Variants in SHROOM1 observed in about 807,000 individuals in gnomAD.
The protein encoded by SHROOM1 is shroom family member 1, also known as protein Shroom1.
In SHROOM1, 53 loss-of-function variants were observed where a neutral mutation model predicts 64.2. The observed-to-expected ratio is 0.83, with a 90% CI of 0.66 to 1.04. The LOEUF (loss-of-function observed/expected upper bound fraction) is 1.04. Among genes scored for constraint, SHROOM1 ranks in the 50% least tolerant of loss-of-function variants. SHROOM1 has a pLI of 0.00. For missense variants in SHROOM1, 1,179 were observed against 1,163.2 expected, an observed-to-expected ratio of 1.01 and a Z score of -0.20; for synonymous variants, 490 against 518.9, an observed-to-expected ratio of 0.94 and a Z score of 0.76.
In SHROOM1 at chr5:132,823,873, C is replaced by G; in HGVS notation, c.1788G>C (p.Glu596Asp). The G allele has an allele frequency of 1.3e-6, 2 of 1,531,048 alleles. No individual in the cohort carries two copies. Among genetic ancestry groups the G allele is most frequent in the South Asian group, 2.6e-5 (2 of 76,932 alleles). 94.8% of individuals were successfully genotyped at this position (1,531,048 alleles called of 1,614,324 possible). A position where few individuals can be genotyped will look rare whatever the true frequency, so the allele number is the denominator to read the frequency against. ...ACCCTGGCTCAAAAGTACTGGCAGCCTCCTCTCCAGCCTCCCCACAGGCAG... is the reference window on the plus strand; with the variant it reads ...ACCCTGGCTCAAAAGTACTGGCAGCGTCCTCTCCAGCCTCCCCACAGGCAG... Reference protein sequence around the residue: ...MRPACGEAGEEAASTFEPGSY... With the variant: ...MRPACGEAGEDAASTFEPGSY... The change falls in exon 7 of 10, where the codon GAG becomes GAC. Residue 596 changes from glutamate (E) to aspartate (D), a missense_variant. Coordinates refer to ENST00000378679, the MANE Select transcript of SHROOM1 (RefSeq NM_001172700.2). This position sits in a 1 kb window ranked among gnomAD's most constrained non-coding sequence, Gnocchi z 4.6.
In SHROOM1 at chr5:132,826,251, G is replaced by A. The variant is rs958631486; in HGVS notation, c.-43+26C>T. On this transcript the variant is annotated intron_variant, in intron 3 of 9. Coordinates refer to ENST00000378679, the MANE Select transcript of SHROOM1 (RefSeq NM_001172700.2). ...AGGGCTGGGACAGCCTGCTGGCCCC[G>A]CCACCACGGACGGCCAGACACTTAC... 5 of 1,257,112 alleles carry A rather than the reference G, an allele frequency of 4.0e-6. No homozygotes were observed. In the African/African-American group the frequency reaches 4.6e-5, roughly 12 times the overall value. The allele number at this position is 1,257,112 out of a possible 1,614,324, so 77.9% of individuals were successfully genotyped here. A position where few individuals can be genotyped will look rare whatever the true frequency, so the allele number is the denominator to read the frequency against.
Position 132,824,196 on chromosome 5 carries a change from TGGTCAGTCCAGTGG to T in SHROOM1, c.1451_1464del (p.Pro484HisfsTer10). On this transcript the variant is annotated frameshift_variant, in exon 7 of 10. Coordinates refer to ENST00000378679, the MANE Select transcript of SHROOM1 (RefSeq NM_001172700.2). LOFTEE classifies it high-confidence loss of function. ...CTCTCTGCAGCTGTGGGGGGATTGG[TGGTCAGTCCAGTGG>T]GGTCAATAGTTGGGATGTTATCATT... is the stretch of plus-strand genomic sequence containing the variant. 1 of 1,614,118 alleles carries T rather than the reference TGGTCAGTCCAGTGG, an allele frequency of 6.2e-7. No homozygotes were observed. The highest frequency in any genetic ancestry group is 8.5e-7 in the Non-Finnish European group (1 of 1,180,014).
In SHROOM1 at chr5:132,823,569, C is replaced by G. The variant is rs201646060; in HGVS notation, c.1954-47G>C. 6.4e-7 allele frequency: 1 copy of G among 1,568,950 alleles called. No homozygotes were observed. Among genetic ancestry groups the G allele is most frequent in the Non-Finnish European group, 8.7e-7 (1 of 1,154,124 alleles). ...GGGGCCAGGCTCATGACTTCCCTGC[C>G]CAGGCTCTGGGCTCCTACCCACCCC... On this transcript the variant is annotated intron_variant, in intron 8 of 9. Coordinates refer to ENST00000378679, the MANE Select transcript of SHROOM1 (RefSeq NM_001172700.2). This position sits in a 1 kb window ranked among gnomAD's most constrained non-coding sequence, Gnocchi z 4.6.
chr5:132,823,409 T>C lies in SHROOM1; in HGVS notation c.2067A>G (p.Ala689=). The C allele has an allele frequency of 3.7e-6, 6 of 1,611,158 alleles. No homozygotes were observed. The highest frequency in any genetic ancestry group is 1.1e-5 in the South Asian group (1 of 91,050). ...WARRQAALEA[A]VRQACAPQEL... is the part of the protein sequence containing the mutation. ...CCTGAGGGGCACAGGCCTGGCGCAC[T>C]GCAGCCTCCAGAGCCGCTTGGCGCC... is the stretch of plus-strand genomic sequence containing the variant. Residue 689 remains alanine, a synonymous_variant, in exon 9 of 10, where the codon GCA becomes GCG. Coordinates refer to ENST00000378679, the MANE Select transcript of SHROOM1 (RefSeq NM_001172700.2). This position sits in a 1 kb window ranked among gnomAD's most constrained non-coding sequence, Gnocchi z 4.6.
At chr5:132,826,233 G>C in intron 3 of SHROOM1, 44 bp downstream of exon 3, 5 of 1,261,890 alleles carry the variant, frequency 4.0e-6, no homozygotes, top group Non-Finnish European at 4.0e-6. Context: ...GTGAGGGCTG[G>C]GACAGCCTGC....
Position 132,823,145 on chromosome 5 carries a change from AGGC to A in SHROOM1, c.2227-20_2227-18del. On this transcript the variant is annotated intron_variant, in intron 9 of 9. Coordinates refer to ENST00000378679, the MANE Select transcript of SHROOM1 (RefSeq NM_001172700.2). This position sits in a 1 kb window ranked among gnomAD's most constrained non-coding sequence, Gnocchi z 4.6. ...CAGGGAGGCCTTGAGCCGCAGGAAG[AGGC>A]GCCGTGAGCCGGGTGAGGGCGCCGC... The A allele has an allele frequency of 4.5e-6, 7 of 1,544,480 alleles. No homozygotes were observed. The highest frequency in any genetic ancestry group is 5.2e-6 in the Non-Finnish European group (6 of 1,153,672).
Position 132,825,710 on chromosome 5 carries a change from C to A in SHROOM1, c.431G>T (p.Arg144Leu). 1 of 1,315,324 alleles carries A rather than the reference C, an allele frequency of 7.6e-7. No individual in the cohort carries two copies. Among genetic ancestry groups the A allele is most frequent in the Non-Finnish European group, 9.7e-7 (1 of 1,035,812 alleles). The allele number at this position is 1,315,324 out of a possible 1,614,324, so 81.5% of individuals were successfully genotyped here. ...CACTCGCCGCTGCGCGCCCTGAAGC[C>A]GCTGGCGGTAGGCGGCCCTCGAGGC... is the stretch of plus-strand genomic sequence containing the variant. The part of the protein sequence containing the change: ...PPASRAAYRQ[R>L]LQGAQRRVLR... Residue 144 changes from arginine (R) to leucine (L), a missense_variant, in exon 4 of 10, where the codon CGG becomes CTG. By Grantham distance (102) the Arg-to-Leu change is moderately radical. Coordinates refer to ENST00000378679, the MANE Select transcript of SHROOM1 (RefSeq NM_001172700.2). The surrounding 1 kb of genome is among the most constrained non-coding windows in gnomAD (Gnocchi z 5.1).
intron 2 of SHROOM1, among the ~76,000 whole-genome samples, 188 bp downstream of exon 2, chr5:132,827,273 C>G (rs1758731851): frequency 6.6e-6 from 1 of 152,220 alleles, no homozygotes. Flanking sequence ...CCTGCTCTTC[C>G]TCATTGCTGC....
chr5:132,826,104 G>T lies in SHROOM1; in HGVS notation c.37C>A (p.Pro13Thr). 7.1e-7 allele frequency: 1 copy of T among 1,401,664 alleles called. No individual in the cohort carries two copies. The highest frequency in any genetic ancestry group is 2.8e-5 in the East Asian group (1 of 35,958). The allele number at this position is 1,401,664 out of a possible 1,614,324, so 86.8% of individuals were successfully genotyped here. The change falls in exon 4 of 10, where the codon CCG (proline) becomes ACG (threonine). Residue 13 changes from proline (P) to threonine (T), a missense_variant. Transcript: ENST00000378679. ...TCCAGGCTGCTAGTGGACGAGGCCG[G>T]GGAGGCGCGGTCGCCCCCAGGTCCC... ...ALGPGGDRAS[P>T]ASSTSSLDLW...
At position 132,825,095 on chromosome 5, in the gene SHROOM1, T is replaced by C. The variant is rs1166365222; in HGVS notation, c.979-22A>G. The C allele has an allele frequency of 6.2e-7, 1 of 1,614,108 alleles. No homozygotes were observed. Among genetic ancestry groups the C allele is most frequent in the Non-Finnish European group, 8.5e-7 (1 of 1,180,014 alleles). The stretch of plus-strand genomic sequence containing the variant: ...CAGCCTGGAAGGGTGAACAGTCGAC[T>C]GAAATGTGGCTCAAGTTTTGTTTCC... On this transcript the variant is annotated intron_variant, in intron 4 of 9. Coordinates refer to ENST00000378679, the MANE Select transcript of SHROOM1 (RefSeq NM_001172700.2). This position sits in a 1 kb window ranked among gnomAD's most constrained non-coding sequence, Gnocchi z 5.1.
Position 132,826,094 on chromosome 5 carries a change from G to T in SHROOM1, c.47C>A (p.Ser16Tyr). 1 of 1,403,304 alleles carries T rather than the reference G, an allele frequency of 7.1e-7. No individual in the cohort carries two copies. The allele number at this position is 1,403,304 out of a possible 1,614,324, so 86.9% of individuals were successfully genotyped here. Residue 16 changes from serine to tyrosine, a missense_variant, in exon 4 of 10, where the codon TCC (serine) becomes TAC (tyrosine). Transcript: ENST00000378679. Reference protein sequence around the residue: ...PGGDRASPASSTSSLDLWHLS... With the variant: ...PGGDRASPASYTSSLDLWHLS... The stretch of plus-strand genomic sequence containing the variant: ...ATGCCACAGGTCCAGGCTGCTAGTG[G>T]ACGAGGCCGGGGAGGCGCGGTCGCC...
intron 2 of SHROOM1, among the ~76,000 whole-genome samples, chr5:132,827,044 C>T (rs1399444706): frequency 6.6e-6 from 1 of 152,230 alleles, no homozygotes; most frequent in Non-Finnish European, 1.5e-5. Context: ...AATCTGGCCC[C>T]CACTTCTCAA....
chr5:132,822,692 G>T lies in SHROOM1; in HGVS notation c.*104C>A. The T allele has an allele frequency of 7.5e-7, 1 of 1,326,728 alleles. No individual in the cohort carries two copies. The highest frequency in any genetic ancestry group is 1.5e-5 in the South Asian group (1 of 66,076). The allele number at this position is 1,326,728 out of a possible 1,614,324, so 82.2% of individuals were successfully genotyped here. On this transcript the variant is annotated 3_prime_UTR_variant, in exon 10 of 10. Transcript: ENST00000378679. ...GAGTATCTTAGAAAGGCCTGGACTG[G>T]GTCCTCCCCAATCCCTCAAGGGAAA...
Position 132,825,298 on chromosome 5 carries a change from G to T in SHROOM1, c.843C>A (p.Pro281=), listed in dbSNP as rs1421301908. ...HEVGWLPETQ[P]QGSMNLDSGS... ...CGGAGTCCAGGTTCATGGAGCCTTGGGGTTGCGTCTCGGGCAGCCATCCGA... is the reference window on the plus strand; with the variant it reads ...CGGAGTCCAGGTTCATGGAGCCTTGTGGTTGCGTCTCGGGCAGCCATCCGA... The change falls in exon 4 of 10, where the codon CCC becomes CCA. Residue 281 remains proline (P), a synonymous_variant. Coordinates refer to ENST00000378679, the MANE Select transcript of SHROOM1 (RefSeq NM_001172700.2). This position sits in a 1 kb window ranked among gnomAD's most constrained non-coding sequence, Gnocchi z 5.1. 1 of 1,612,402 alleles carries T rather than the reference G, an allele frequency of 6.2e-7. No homozygotes were observed. The highest frequency in any genetic ancestry group is 8.5e-7 in the Non-Finnish European group (1 of 1,179,858).
At position 132,822,620 on chromosome 5, in the gene SHROOM1, C is replaced by T; in HGVS notation, c.*176G>A. The T allele has an allele frequency of 1.5e-6, 1 of 680,346 alleles. No homozygotes were observed. 42.1% of individuals were successfully genotyped at this position (680,346 alleles called of 1,614,324 possible). A position where few individuals can be genotyped will look rare whatever the true frequency, so the allele number is the denominator to read the frequency against. ...CCTTGTGATCCGCCCGCCTCGGCCT[C>T]CCAAAGTGCTGGGATTACAGGCGTG... is the stretch of plus-strand genomic sequence containing the variant. On this transcript the variant is annotated 3_prime_UTR_variant, in exon 10 of 10. Coordinates refer to ENST00000378679, the MANE Select transcript of SHROOM1 (RefSeq NM_001172700.2).
chr5:132,824,543 C>G, intron 6 of SHROOM1, 72 bp downstream of exon 6: 1 of 1,537,050 alleles, frequency 6.5e-7, no homozygotes, highest in African/African-American at 1.4e-5. Context: ...AGAGCATTCC[C>G]ACCCCTCTAG....
chr5:132,826,028 GC>G lies in SHROOM1; in HGVS notation c.112del (p.Ala38GlnfsTer21). ...RADSAYSSFS[A>X]ASGGPEPRTQ... ...GCGCGGCTCGGGGCCGCCGGAGGCT[GC>G]GGAGAAAGAGCTGTAGGCCGAGTCC... On this transcript the variant is annotated frameshift_variant, in exon 4 of 10. Coordinates refer to ENST00000378679, the MANE Select transcript of SHROOM1 (RefSeq NM_001172700.2). LOFTEE classifies it high-confidence loss of function. 6.5e-7 allele frequency: 1 copy of G among 1,533,694 alleles called. No homozygotes were observed. The highest frequency in any genetic ancestry group is 8.8e-7 in the Non-Finnish European group (1 of 1,142,052).
chr5:132,824,173 C>T lies in SHROOM1; in HGVS notation c.1488G>A (p.Glu496=), dbSNP rs1273881253. The change falls in exon 7 of 10, where the codon GAG becomes GAA. Residue 496 remains glutamate (E), a synonymous_variant. Coordinates refer to ENST00000378679, the MANE Select transcript of SHROOM1 (RefSeq NM_001172700.2). ...CTGGGACAGGTTTGAGGAGGTCACTCTCTGCAGCTGTGGGGGGATTGGTGG... is the reference window on the plus strand; with the variant it reads ...CTGGGACAGGTTTGAGGAGGTCACTTTCTGCAGCTGTGGGGGGATTGGTGG... ...GLTTNPPTAA[E]SDLLKPVPAD... is the part of the protein sequence containing the mutation. 7.4e-6 allele frequency: 12 copies of T among 1,614,120 alleles called. No individual in the cohort carries two copies. The highest frequency in any genetic ancestry group is 1.0e-5 in the Non-Finnish European group (12 of 1,180,044).
In SHROOM1 at chr5:132,824,229, TATC is replaced by T; in HGVS notation, c.1429_1431del (p.Asp477del). On this transcript the variant is annotated inframe_deletion, in exon 7 of 10. Coordinates refer to ENST00000378679, the MANE Select transcript of SHROOM1 (RefSeq NM_001172700.2). ...CCAGTGGGGTCAATAGTTGGGATGT[TATC>T]ATTTGCAGTCCCAGTGGGGGTGTGG... is the stretch of plus-strand genomic sequence containing the variant. 1 of 1,614,090 alleles carries T rather than the reference TATC, an allele frequency of 6.2e-7. No homozygotes were observed. Among genetic ancestry groups the T allele is most frequent in the Non-Finnish European group, 8.5e-7 (1 of 1,180,000 alleles).
Sources: allele counts gnomAD v4.1 joint callset (sites outside exome capture counted in the v4.1 genomes callset), GRCh38; gene constraint gnomAD v4.1.1; non-coding constraint Gnocchi (gnomAD v3.1); transcripts MANE v1.5; gene names NCBI Gene and HGNC (gene_info 2026-07-23, HGNC 2026-07-21).